FBXL7: variants seen among roughly 807,000 people sequenced by gnomAD.
FBXL7 encodes F-box and leucine rich repeat protein 7, also known as F-box/LRR-repeat protein 7.
A neutral mutation model predicts 38.3 loss-of-function variants in FBXL7; 12 were observed. That is an observed-to-expected ratio of 0.31 (90% CI 0.20 to 0.51). The LOEUF is 0.51. Ranked by LOEUF, FBXL7 falls within the 20% of genes least tolerant of loss-of-function variation. The pLI is 0.98. For synonymous variants in FBXL7, 297 were observed against 300.9 expected, an observed-to-expected ratio of 0.99 and a Z score of 0.13; for missense variants, 567 against 676.4, an observed-to-expected ratio of 0.84 and a Z score of 1.79.
chr5:15,742,538 AAAGATG>A (rs1490059126), intron 2 of FBXL7, among the ~76,000 whole-genome samples: 4 of 152,216 alleles, frequency 2.6e-5, no homozygotes, highest in African/African-American at 9.6e-5. Flanking sequence ...GAGCAAGGCT[AAAGATG>A]CTGTCTAGAA....
At chr5:15,617,499 C>T (rs932215121) in intron 2 of FBXL7, among the ~76,000 whole-genome samples, 8 of 151,596 alleles carry the variant, frequency 5.3e-5, no homozygotes, top group Non-Finnish European at 1.2e-4. Flanking sequence ...CTCTTTTGCC[C>T]AGACTAGGGT....
chr5:15,832,426 A>G (rs1390307873), intron 2 of FBXL7, among the ~76,000 whole-genome samples: 1 of 152,176 alleles, frequency 6.6e-6, no homozygotes, highest in East Asian at 1.9e-4. Context: ...AGTTTGTCAG[A>G]CCTCCGTGTG....
intron 2 of FBXL7, among the ~76,000 whole-genome samples, chr5:15,803,469 A>G (rs992310134): frequency 2.0e-5 from 3 of 152,150 alleles, no homozygotes; most frequent in Non-Finnish European, 4.4e-5. Flanking sequence ...GAATTTGGAG[A>G]TTGAAATTAC....
chr5:15,712,759 G>T (rs1343460732), intron 2 of FBXL7, among the ~76,000 whole-genome samples: 3 of 152,106 alleles, frequency 2.0e-5, no homozygotes, highest in Admixed American at 6.6e-5. Flanking sequence ...TAATATTGAG[G>T]GTGGCATTGC....
chr5:15,671,046 G>T (rs1742455256), intron 2 of FBXL7, among the ~76,000 whole-genome samples: 1 of 152,098 alleles, frequency 6.6e-6, no homozygotes, highest in Non-Finnish European at 1.5e-5. Context: ...ATTATTATGT[G>T]AGAAGGAGGG....
At chr5:15,504,719 G>A (rs1196646391) in intron 1 of FBXL7, among the ~76,000 whole-genome samples, 1 of 152,192 alleles carries the variant, frequency 6.6e-6, no homozygotes. Context: ...GTAAGTCCAT[G>A]TGTAGAAATC....
intron 2 of FBXL7, among the ~76,000 whole-genome samples, chr5:15,740,430 T>C (rs1366617019): frequency 1.3e-5 from 2 of 152,184 alleles, no homozygotes; most frequent in East Asian, 3.9e-4. Flanking sequence ...ATGAACTATC[T>C]TTAAAAAAAC....
chr5:15,611,023 C>T (rs1417096656), intron 1 of FBXL7, among the ~76,000 whole-genome samples: 8 of 152,266 alleles, frequency 5.3e-5, no homozygotes, highest in Admixed American at 1.3e-4. Flanking sequence ...TACATGTAAG[C>T]GGGCTGCAAG....
rs772335729 is a variant in FBXL7, at chr5:15,935,263, G to A, written c.740-1187G>A. ...CGCCATCCCGAGGCTTTGCACAGGGGCAAGCTTCGAGTTCCGTTTTCCAAG... is the reference window on the plus strand; with the variant it reads ...CGCCATCCCGAGGCTTTGCACAGGGACAAGCTTCGAGTTCCGTTTTCCAAG... On this transcript the variant is annotated intron_variant, in intron 3 of 3. Transcript: ENST00000504595. 65 of 534,296 alleles carry A rather than the reference G, an allele frequency of 1.2e-4. No homozygotes were observed. In the Admixed American group the frequency reaches 1.3e-3, roughly 10 times the overall value. 33.1% of individuals were successfully genotyped at this position (534,296 alleles called of 1,614,324 possible).
chr5:15,721,792 C>G (rs569999670), intron 2 of FBXL7, among the ~76,000 whole-genome samples: 1 of 151,930 alleles, frequency 6.6e-6, no homozygotes, highest in Non-Finnish European at 1.5e-5. Context: ...GATATTTTCC[C>G]AGGCATATTT....
At chr5:15,558,979 T>G (rs1291260090) in intron 1 of FBXL7, among the ~76,000 whole-genome samples, 1 of 152,194 alleles carries the variant, frequency 6.6e-6, no homozygotes, top group East Asian at 1.9e-4. Flanking sequence ...AGGAATCAAA[T>G]GAATTAATAC....
chr5:15,501,753 T>G (rs753426861), intron 1 of FBXL7: 4 of 985,432 alleles, frequency 4.1e-6, no homozygotes, highest in Non-Finnish European at 4.8e-6. Flanking sequence ...TCTCAGCAGT[T>G]TTGTGAAATT....
intron 2 of FBXL7, among the ~76,000 whole-genome samples, chr5:15,879,140 C>CT (rs941585132): frequency 6.6e-6 from 1 of 152,122 alleles, no homozygotes; most frequent in Non-Finnish European, 1.5e-5. Flanking sequence ...AGAAGTTCAT[C>CT]TTTTTTTATC....
chr5:15,933,584 C>A, intron 3 of FBXL7, among the ~76,000 whole-genome samples: 1 of 152,282 alleles, frequency 6.6e-6, no homozygotes, highest in African/African-American at 2.4e-5. Context: ...TTTGCAAAAC[C>A]ACAAAGCCCA....
At chr5:15,602,733 C>T (rs753524738) in intron 1 of FBXL7, among the ~76,000 whole-genome samples, 1 of 151,958 alleles carries the variant, frequency 6.6e-6, no homozygotes, top group African/African-American at 2.4e-5. Flanking sequence ...TACCCTCCCC[C>T]CAAAAAGAAG....
intron 2 of FBXL7, among the ~76,000 whole-genome samples, chr5:15,775,948 T>C (rs963202373): frequency 3.3e-5 from 5 of 152,130 alleles, no homozygotes; most frequent in Non-Finnish European, 7.4e-5. Context: ...AGAGACTACG[T>C]TTTTAACTAG....
At chr5:15,743,491 C>T (rs2126677387) in intron 2 of FBXL7, among the ~76,000 whole-genome samples, 1 of 152,328 alleles carries the variant, frequency 6.6e-6, no homozygotes, top group Admixed American at 6.5e-5. Context: ...TGGCTCCCAC[C>T]ATCTTGCACA....
At chr5:15,622,210 TAGAA>T (rs897400109) in intron 2 of FBXL7, among the ~76,000 whole-genome samples, 7 of 151,942 alleles carry the variant, frequency 4.6e-5, no homozygotes, top group Non-Finnish European at 1.0e-4. Context: ...ATGTGAAAAA[TAGAA>T]AGGATATAAA....
intron 1 of FBXL7, among the ~76,000 whole-genome samples, chr5:15,567,861 C>T (rs1279536271): frequency 1.3e-5 from 2 of 151,662 alleles, no homozygotes; most frequent in Non-Finnish European, 2.9e-5. Context: ...GTTTTTTGTC[C>T]TTGCGATAGT....
Sources: gnomAD v4.1 joint callset for allele counts (sites outside exome capture counted in the v4.1 genomes callset) on GRCh38, gnomAD v4.1.1 for gene constraint, MANE v1.5 for transcripts, NCBI Gene and HGNC (gene_info 2026-07-23, HGNC 2026-07-21) for gene names.